SCN9A: variants seen among roughly 807,000 people sequenced by gnomAD.
SCN9A encodes the protein sodium channel protein type 9 subunit alpha.
Under a neutral mutation model 187.0 loss-of-function variants are expected in SCN9A, and 131 were observed. The ratio of observed to expected loss-of-function variants is 0.70; its 90% CI spans 0.61 to 0.81. The LOEUF is 0.81. Among genes scored for constraint, SCN9A ranks in the 30% least tolerant of loss-of-function variants. The pLI is 0.00. For missense variants in SCN9A, 2,252 were observed against 2,396.6 expected, an observed-to-expected ratio of 0.94 and a Z score of 1.26; for synonymous variants, 809 against 808.6, an observed-to-expected ratio of 1.00 and a Z score of -0.01.
chr2:166,285,849 T>C (rs1697714164), intron 11 of SCN9A, among the ~76,000 whole-genome samples: 1 of 152,028 alleles, frequency 6.6e-6, no homozygotes, highest in African/African-American at 2.4e-5. Context: ...TAACAGACTA[T>C]GGCACTACAT....
In SCN9A at chr2:166,288,656, G is replaced by T. The variant is rs940947726; in HGVS notation, c.1108-13C>A. The T allele has an allele frequency of 6.6e-7, 1 of 1,518,400 alleles. No individual in the cohort carries two copies. Among genetic ancestry groups the T allele is most frequent in the African/African-American group, 1.4e-5 (1 of 71,786 alleles). The allele number at this position is 1,518,400 out of a possible 1,614,324, so 94.1% of individuals were successfully genotyped here. A position where few individuals can be genotyped will look rare whatever the true frequency, so the allele number is the denominator to read the frequency against. On this transcript the variant is annotated splice_polypyrimidine_tract_variant and intron_variant, in intron 9 of 26. Transcript: ENST00000642356. ...CAGCACGCAGCGTCTAGGGAAAAAT[G>T]GAAATTGTCATTTGAACAATAAAAA...
chr2:166,344,840 T>C (rs1486628805), intron 1 of SCN9A, among the ~76,000 whole-genome samples: 2 of 152,036 alleles, frequency 1.3e-5, no homozygotes, highest in Non-Finnish European at 2.9e-5. Flanking sequence ...ACCCAAAATA[T>C]GTGGGAGGAG....
At chr2:166,271,072 CA>C (rs1252907597) in intron 17 of SCN9A, among the ~76,000 whole-genome samples, 2 of 151,510 alleles carry the variant, frequency 1.3e-5, no homozygotes, top group Admixed American at 6.6e-5. Context: ...GAGGAGGGCA[CA>C]AAAAAAGGTT....
In SCN9A at chr2:166,366,350, T is replaced by C. The variant is rs183367424; in HGVS notation, c.-51+9347A>G. On this transcript the variant is annotated intron_variant, in intron 1 of 26. Coordinates refer to ENST00000642356, the MANE Select transcript of SCN9A (RefSeq NM_001365536.1). The stretch of plus-strand genomic sequence containing the variant: ...ATGCATGCTGTCACAAATAGTAAGA[T>C]TTCCTTCTTTTTTTAAGGCTAGATA... 7.9e-5 allele frequency among the ~76,000 whole-genome samples: 12 copies of C among 152,304 alleles called. 1 individual carries two copies. The East Asian group carries it at 2.3e-3, about 29-fold the overall frequency.
In SCN9A at chr2:166,199,858, A is replaced by G; in HGVS notation, c.4781T>C (p.Phe1594Ser). 6.2e-7 allele frequency: 1 copy of G among 1,613,310 alleles called. No individual in the cohort carries two copies. Among genetic ancestry groups the G allele is most frequent in the Non-Finnish European group, 8.5e-7 (1 of 1,179,336 alleles). Residue 1594 changes from phenylalanine (F) to serine (S), a missense_variant, in exon 27 of 27, where the codon TTT (phenylalanine) becomes TCT (serine). Phe to Ser is a radical substitution (Grantham distance 155). Coordinates refer to ENST00000642356, the MANE Select transcript of SCN9A (RefSeq NM_001365536.1). ...ATACGTTTCAATCAAATCAGCTAGA[A>G]ACATACCTGTATGTGGAGGAAAATA... ...VVVIISIVGM[F>S]LADLIETYFV... is the part of the protein sequence containing the mutation.
chr2:166,348,754 A>G (rs1699962843), intron 1 of SCN9A, among the ~76,000 whole-genome samples: 1 of 152,036 alleles, frequency 6.6e-6, no homozygotes. Context: ...ATAGGTGGCT[A>G]TGCTCCAATA....
chr2:166,288,317 A>G, intron 10 of SCN9A, 120 bp downstream of exon 10: 2 of 718,098 alleles, frequency 2.8e-6, no homozygotes, highest in Non-Finnish European at 4.4e-6. Flanking sequence ...GATACAGTTT[A>G]TACACAAAAA....
At chr2:166,254,254 T>C (rs1696169845) in intron 17 of SCN9A, among the ~76,000 whole-genome samples, 1 of 151,668 alleles carries the variant, frequency 6.6e-6, no homozygotes, top group African/African-American at 2.4e-5. Flanking sequence ...ACAGACAAAT[T>C]ATTATGGCTA....
intron 22 of SCN9A, 130 bp from the exon 23 acceptor site, chr2:166,227,853 G>A (rs1694905589): frequency 1.6e-5 from 10 of 632,430 alleles, no homozygotes; most frequent in South Asian, 9.7e-5. Flanking sequence ...TATTCAACAT[G>A]TCCATTTAAT....
intron 17 of SCN9A, among the ~76,000 whole-genome samples, chr2:166,252,362 T>G (rs1239475329): frequency 6.6e-6 from 1 of 151,972 alleles, no homozygotes; most frequent in African/African-American, 2.4e-5. Flanking sequence ...ATAGTTAAAA[T>G]TTTTTAAAAA....
At chr2:166,299,152 C>G (rs563437927) in intron 7 of SCN9A, among the ~76,000 whole-genome samples, 1 of 152,262 alleles carries the variant, frequency 6.6e-6, no homozygotes, top group Non-Finnish European at 1.5e-5. Flanking sequence ...TGAATTGATT[C>G]ATATATAACT....
chr2:166,325,487 A>T (rs189287946), intron 1 of SCN9A, among the ~76,000 whole-genome samples: 1 of 152,224 alleles, frequency 6.6e-6, no homozygotes, highest in Non-Finnish European at 1.5e-5. Flanking sequence ...CTGGAGTCAC[A>T]ATGTCTGAGT....
chr2:166,319,665 A>T lies in SCN9A; in HGVS notation c.-50-7859T>A, dbSNP rs574158047. Among the ~76,000 whole-genome samples the T allele has an allele frequency of 1.0e-3, 156 of 152,296 alleles. 1 individual carries two copies. Among genetic ancestry groups the T allele is most frequent in the African/African-American group, 3.6e-3 (149 of 41,594 alleles). ...TAATATTGTTAAATTGTATCAGTTA[A>T]TCATCTCACAAATGTGCCAATTACC... On this transcript the variant is annotated intron_variant, in intron 1 of 26. Coordinates refer to ENST00000642356, the MANE Select transcript of SCN9A (RefSeq NM_001365536.1).
intron 20 of SCN9A, among the ~76,000 whole-genome samples, chr2:166,234,015 T>C (rs1421448334): frequency 2.0e-5 from 3 of 152,156 alleles, no homozygotes; most frequent in Non-Finnish European, 4.4e-5. Flanking sequence ...AAATAGTTTT[T>C]CATGGGAGAA....
At chr2:166,292,368 T>A (rs968851715) in intron 9 of SCN9A, among the ~76,000 whole-genome samples, 1 of 152,184 alleles carries the variant, frequency 6.6e-6, no homozygotes, top group Admixed American at 6.5e-5. Context: ...TTAATTTTTT[T>A]ATTTGTGTTT....
chr2:166,272,557 T>G lies in SCN9A; in HGVS notation c.3193A>C (p.Ser1065Arg), dbSNP rs1336200934. The change falls in exon 17 of 27, where the codon AGC becomes CGC. Residue 1065 changes from serine to arginine, a missense_variant. Ser to Arg is a moderately radical substitution (Grantham distance 110). Transcript: ENST00000642356. ...TCTTCCATCAAGTGTTTGTCCACGCTGCTTCCAAAACCACTGATTTTATCT... is the reference window on the plus strand; with the variant it reads ...TCTTCCATCAAGTGTTTGTCCACGCGGCTTCCAAAACCACTGATTTTATCT... Reference protein sequence around the residue: ...EKDKISGFGSSVDKHLMEDSD... With the variant: ...EKDKISGFGSRVDKHLMEDSD... The G allele has an allele frequency of 1.2e-6, 2 of 1,613,574 alleles. No individual in the cohort carries two copies. Among genetic ancestry groups the G allele is most frequent in the Admixed American group, 3.3e-5 (2 of 59,952 alleles).
chr2:166,255,108 AAG>A (rs931619971), intron 17 of SCN9A, among the ~76,000 whole-genome samples: 8 of 140,606 alleles, frequency 5.7e-5, no homozygotes, highest in African/African-American at 1.9e-4. Context: ...GAGAGAGAAA[AAG>A]AGAGAGAGGA....
At chr2:166,245,800 T>G (rs1695760944) in intron 18 of SCN9A, among the ~76,000 whole-genome samples, 1 of 152,020 alleles carries the variant, frequency 6.6e-6, no homozygotes, top group Non-Finnish European at 1.5e-5. Flanking sequence ...TATAATTCAT[T>G]AACAAGTATT....
chr2:166,233,899 T>A (rs974501796), intron 20 of SCN9A, among the ~76,000 whole-genome samples: 2 of 152,112 alleles, frequency 1.3e-5, no homozygotes, highest in Non-Finnish European at 2.9e-5. Flanking sequence ...TTAGTATAAA[T>A]CTTATTAAAA....
Sources: allele counts gnomAD v4.1 joint callset (sites outside exome capture counted in the v4.1 genomes callset), GRCh38; gene constraint gnomAD v4.1.1; transcripts MANE v1.5; gene names NCBI Gene and HGNC (gene_info 2026-07-23, HGNC 2026-07-21).